Variants in DAB2IP observed in about 807,000 individuals in gnomAD.
The protein encoded by DAB2IP is disabled homolog 2-interacting protein.
In DAB2IP, 28 loss-of-function variants were observed where a neutral mutation model predicts 107.2. That is an observed-to-expected ratio of 0.26 (90% confidence interval 0.19 to 0.36). The LOEUF is 0.36. Among genes scored for constraint, DAB2IP ranks in the 10% least tolerant of loss-of-function variants. The pLI, the probability that DAB2IP is intolerant of heterozygous loss-of-function variation, is 1.00. For synonymous variants in DAB2IP, 755 were observed against 706.4 expected (o/e 1.07, Z -1.09); for missense variants, 1,400 against 1,644.7 (o/e 0.85, Z 2.57).
chr9:121,739,709 G>A (rs377765658), intron 3 of DAB2IP, among the ~76,000 whole-genome samples: 13 of 152,328 alleles, frequency 8.5e-5, no homozygotes, highest in African/African-American at 2.4e-4. Context: ...GTGTCCCAGA[G>A]GCGCTGTCAG....
At chr9:121,653,865 G>A (rs770028904) in intron 1 of DAB2IP, among the ~76,000 whole-genome samples, 4 of 152,324 alleles carry the variant, frequency 2.6e-5, no homozygotes, top group African/African-American at 4.8e-5. Flanking sequence ...AGGAGCTCAC[G>A]GCCTGCAGAG....
chr9:121,758,021 A>C (rs1005001082), intron 4 of DAB2IP, among the ~76,000 whole-genome samples: 1 of 152,254 alleles, frequency 6.6e-6, no homozygotes, highest in African/African-American at 2.4e-5. Flanking sequence ...TTTCTGGTTC[A>C]GGACTCCTGG....
intron 1 of DAB2IP, among the ~76,000 whole-genome samples, chr9:121,589,651 C>T (rs1429436948): frequency 6.6e-6 from 1 of 152,132 alleles, no homozygotes; most frequent in African/African-American, 2.4e-5. Flanking sequence ...ATCTGTGTCT[C>T]CAGCACCCAG....
Position 121,741,186 on chromosome 9 carries a change from G to C in DAB2IP, c.363-15827G>C, listed in dbSNP as rs373348322. ...ATTCGGCTCCAGGAAGATAGGATGAGGCAAGCCTTGAACCTTGTCAAACCT... is the reference window on the plus strand; with the variant it reads ...ATTCGGCTCCAGGAAGATAGGATGACGCAAGCCTTGAACCTTGTCAAACCT... On this transcript the variant is annotated intron_variant, in intron 3 of 15. Transcript: ENST00000408936. 2.1e-4 allele frequency among the ~76,000 whole-genome samples: 32 copies of C among 152,334 alleles called. 1 individual carries two copies. The East Asian group carries it at 5.8e-3, about 28-fold the overall frequency.
chr9:121,768,920 G>A (rs1834495455), intron 10 of DAB2IP, among the ~76,000 whole-genome samples: 1 of 152,236 alleles, frequency 6.6e-6, no homozygotes, highest in African/African-American at 2.4e-5. Flanking sequence ...GCCTGCCAGA[G>A]CATGTGAGAA....
At chr9:121,587,960 C>T (rs972774022) in intron 1 of DAB2IP, among the ~76,000 whole-genome samples, 23 of 152,156 alleles carry the variant, frequency 1.5e-4, no homozygotes, top group Admixed American at 1.1e-3. Context: ...CAATCCTACC[C>T]CCATCTCCTC....
intron 1 of DAB2IP, among the ~76,000 whole-genome samples, chr9:121,584,416 A>T (rs1463292675): frequency 6.6e-6 from 1 of 152,074 alleles, no homozygotes; most frequent in African/African-American, 2.4e-5. Context: ...TCTACAAAAA[A>T]AAAAAAGTAA....
At chr9:121,756,935 A>G (rs55835505) in intron 3 of DAB2IP, 78 bp from the exon 4 acceptor site, 432,743 of 1,598,414 alleles carry the variant, frequency 0.27, 61,140 homozygotes, top group African/African-American at 0.48. Context: ...GGGCACGGCC[A>G]GGGCAGATGG....
At chr9:121,747,399 G>C (rs1163697414) in intron 3 of DAB2IP, among the ~76,000 whole-genome samples, 1 of 150,284 alleles carries the variant, frequency 6.7e-6, no homozygotes, top group African/African-American at 2.5e-5. Context: ...CCAGGCTGGA[G>C]TGCAGTGGCA....
chr9:121,588,531 G>GGAAGGGGGAAAGGGGAAGGGT (rs1830353630), intron 1 of DAB2IP, among the ~76,000 whole-genome samples: 1 of 141,668 alleles, frequency 7.1e-6, no homozygotes, highest in Non-Finnish European at 1.5e-5. Flanking sequence ...GGAAGGGAAG[G>GGAAGGGGGAAAGGGGAAGGGT]GAAGGGGGAA....
intron 3 of DAB2IP, among the ~76,000 whole-genome samples, chr9:121,715,291 C>G (rs1488762138): frequency 6.6e-6 from 1 of 151,830 alleles, no homozygotes; most frequent in Non-Finnish European, 1.5e-5. Context: ...TTTCTTGGGT[C>G]TTTGCTTCCT....
intron 2 of DAB2IP, among the ~76,000 whole-genome samples, chr9:121,686,520 G>A (rs559438605): frequency 2.0e-5 from 3 of 152,302 alleles, no homozygotes; most frequent in East Asian, 1.9e-4. Flanking sequence ...AGTAACTGGC[G>A]AGTGGAATGC....
In DAB2IP at chr9:121,684,546, C is replaced by T. The variant is rs1828762957; in HGVS notation, c.228+5765C>T. On this transcript the variant is annotated intron_variant, in intron 2 of 15. Transcript: ENST00000408936. This position sits in a 1 kb window ranked among gnomAD's most constrained non-coding sequence, Gnocchi z 4.0. ...CCTTCCCGCTCATCTGCACACTGCC[C>T]CCTCCTGGCCACCAGGCCCCAGCCC... Among the ~76,000 whole-genome samples, 1 of 152,204 alleles carries T rather than the reference C, an allele frequency of 6.6e-6. No homozygotes were observed. The highest frequency in any genetic ancestry group is 1.5e-5 in the Non-Finnish European group (1 of 68,038).
intron 3 of DAB2IP, among the ~76,000 whole-genome samples, chr9:121,704,633 A>G (rs1829966934): frequency 6.6e-6 from 1 of 152,114 alleles, no homozygotes; most frequent in Non-Finnish European, 1.5e-5. Flanking sequence ...GGAATTCATT[A>G]ATTACCTGTA....
intron 3 of DAB2IP, among the ~76,000 whole-genome samples, chr9:121,716,202 A>G (rs966294670): frequency 4.6e-5 from 7 of 152,102 alleles, no homozygotes; most frequent in African/African-American, 1.7e-4. Context: ...CCTCCAAGGG[A>G]TGGTGGTAGT....
intron 2 of DAB2IP, among the ~76,000 whole-genome samples, chr9:121,686,086 C>T (rs569648632): frequency 6.6e-6 from 1 of 152,304 alleles, no homozygotes; most frequent in Admixed American, 6.5e-5. Context: ...TCTGGAGCTC[C>T]TTCAGTGGGC....
chr9:121,642,037 T>G (rs370602512), intron 1 of DAB2IP, among the ~76,000 whole-genome samples: 2 of 16,964 alleles, frequency 1.2e-4, no homozygotes, highest in Non-Finnish European at 2.5e-4. Context: ...CTCTCTTTCT[T>G]TCTTTCTTTC....
Position 121,567,202 on chromosome 9 carries a change from CCCTT to C in DAB2IP, c.16_19del (p.Leu6TrpfsTer90). On this transcript the variant is annotated frameshift_variant, in exon 1 of 17. Coordinates refer to the DAB2IP transcript ENST00000259371. LOFTEE classifies it high-confidence loss of function. ...GGCCCACACGCCATGGAGCCCGACTCCCTTCTGGACCAAGACGACTCCTACGGTA... is the reference window on the plus strand; with the variant it reads ...GGCCCACACGCCATGGAGCCCGACTCCTGGACCAAGACGACTCCTACGGTA... The C allele has an allele frequency of 2.5e-6, 4 of 1,614,068 alleles. No individual in the cohort carries two copies. The highest frequency in any genetic ancestry group is 3.4e-6 in the Non-Finnish European group (4 of 1,179,970).
In DAB2IP at chr9:121,774,002, A is replaced by C. The variant is rs114494185; in HGVS notation, c.2968-258A>C. ...AGCCTGCCCCGGTGCCCCCAGTGGC[A>C]GGGTCACTCACTGTCCTCTTGGCAG... On this transcript the variant is annotated intron_variant, in intron 12 of 15. Transcript: ENST00000408936. 5.3e-3 allele frequency among the ~76,000 whole-genome samples: 814 copies of C among 152,294 alleles called. 8 individuals are homozygous for C. Among genetic ancestry groups the C allele is most frequent in the African/African-American group, 0.019 (776 of 41,560 alleles).
Sources: gnomAD v4.1 joint callset for allele counts (sites outside exome capture counted in the v4.1 genomes callset) on GRCh38, gnomAD v4.1.1 for gene constraint, Gnocchi (gnomAD v3.1) non-coding constraint, MANE v1.5 for transcripts, NCBI Gene and HGNC (gene_info 2026-07-23, HGNC 2026-07-21) for gene names.